TRIM5: variants seen among roughly 807,000 people sequenced by gnomAD.
TRIM5 encodes the protein tripartite motif-containing protein 5.
A neutral mutation model predicts 35.6 loss-of-function variants in TRIM5; 31 were observed. The ratio of observed to expected loss-of-function variants is 0.87; its 90% confidence interval spans 0.65 to 1.18. The LOEUF (loss-of-function observed/expected upper bound fraction) is 1.18, where lower values mean the gene tolerates loss of function less well. Among genes scored for constraint, TRIM5 ranks in the 50% most tolerant of loss-of-function variants. The probability of loss-of-function intolerance (pLI) is 0.00; values close to 1 mark genes in which losing one functional copy is unlikely to be tolerated. For missense variants in TRIM5, 609 were observed against 591.6 expected (o/e 1.03, Z -0.31); for synonymous variants, 243 against 215.6 (o/e 1.13, Z -1.11).
chr11:5,601,162 C>T, the TRIM5 span, among the ~76,000 whole-genome samples: 1 of 152,188 alleles, frequency 6.6e-6, no homozygotes, highest in African/African-American at 2.4e-5. Flanking sequence ...TAGGATCTCT[C>T]TCATTTCCAT....
At chr11:5,591,284 C>A in the TRIM5 span, among the ~76,000 whole-genome samples, 1 of 152,180 alleles carries the variant, frequency 6.6e-6, no homozygotes, top group Non-Finnish European at 1.5e-5. Context: ...TGCCTCTTGA[C>A]ATACAAGCCA....
chr11:5,611,150 C>T, the TRIM5 span: 1 of 1,614,196 alleles, frequency 6.2e-7, no homozygotes. Context: ...TGCTTCTCTC[C>T]ATGACAGTGC....
At chr11:5,634,080 A>C in the TRIM5 span, among the ~76,000 whole-genome samples, 1 of 152,218 alleles carries the variant, frequency 6.6e-6, no homozygotes, top group African/African-American at 2.4e-5. Context: ...ACAATTACAC[A>C]TACATACCTG....
the TRIM5 span, among the ~76,000 whole-genome samples, chr11:5,602,356 T>C: frequency 6.6e-6 from 1 of 151,954 alleles, no homozygotes; most frequent in African/African-American, 2.4e-5. Flanking sequence ...GGCAGGAGAA[T>C]GGCTTGAACC....
the TRIM5 span, among the ~76,000 whole-genome samples, chr11:5,633,522 G>C: frequency 6.6e-6 from 1 of 152,192 alleles, no homozygotes; most frequent in African/African-American, 2.4e-5. Flanking sequence ...AATGAGGAAA[G>C]AGCATTGATA....
the TRIM5 span, among the ~76,000 whole-genome samples, chr11:5,620,814 A>G: frequency 2.5e-3 from 386 of 152,248 alleles, 3 homozygotes; most frequent in African/African-American, 8.9e-3. Flanking sequence ...AATGAAGCAA[A>G]GCCTGTTCTG....
At chr11:5,667,450 C>G (rs57512079) in intron 5 of TRIM5, among the ~76,000 whole-genome samples, 4 of 152,144 alleles carry the variant, frequency 2.6e-5, no homozygotes, top group Non-Finnish European at 4.4e-5. Context: ...CTTCCTGACT[C>G]GGCGTCCCAA....
At chr11:5,603,652 G>C in the TRIM5 span, 1 of 1,613,440 alleles carries the variant, frequency 6.2e-7, no homozygotes, top group East Asian at 2.2e-5. Context: ...GGATGGGAAG[G>C]TCATTTGCTG....
chr11:5,634,042 G>A, the TRIM5 span: 1 of 856,246 alleles, frequency 1.2e-6, no homozygotes. Flanking sequence ...GTCCCTGTTG[G>A]GGGTGGAGGC....
the TRIM5 span, among the ~76,000 whole-genome samples, chr11:5,621,783 T>G: frequency 3.9e-5 from 6 of 152,264 alleles, no homozygotes; most frequent in African/African-American, 1.2e-4. Context: ...AATCAGAAAC[T>G]CAAAAGAATG....
intron 1 of TRIM5, among the ~76,000 whole-genome samples, chr11:5,683,400 T>C (rs193090630): frequency 4.5e-4 from 69 of 152,330 alleles, no homozygotes; most frequent in African/African-American, 1.7e-3. Context: ...AGAACCTTTA[T>C]GTTTAGCTAA....
At chr11:5,609,734 A>C in the TRIM5 span, among the ~76,000 whole-genome samples, 1 of 152,192 alleles carries the variant, frequency 6.6e-6, no homozygotes, top group African/African-American at 2.4e-5. Flanking sequence ...CATCCTGGCT[A>C]ACATGATGAA....
At chr11:5,626,852 A>C in the TRIM5 span, 1 of 151,800 alleles carries the variant, frequency 6.6e-6, no homozygotes, top group East Asian at 1.9e-4. Flanking sequence ...ATTGTACTCC[A>C]GCCTGGGGGA....
the TRIM5 span, chr11:5,643,745 G>T: frequency 1.8e-5 from 28 of 1,532,540 alleles, 1 homozygote; most frequent in East Asian, 6.3e-4. Context: ...CCTTTGTCTT[G>T]ACTTATCTCC....
In TRIM5 at chr11:5,664,925, TTG is replaced by T; in HGVS notation, c.1364_1365del (p.Thr455LysfsTer8). On this transcript the variant is annotated frameshift_variant, in exon 8 of 8. Transcript: ENST00000380034. LOFTEE classifies it low-confidence loss of function (END_TRUNC). ...EACTVSFFNI[T>X]NHGFLIYKFS... ...AACTTATAGATGAGAAATCCATGGT[TTG>T]TGATATTGAAGAATGAGACAGTGCA... The T allele has an allele frequency of 6.2e-7, 1 of 1,613,978 alleles. No individual in the cohort carries two copies. Among genetic ancestry groups the T allele is most frequent in the Non-Finnish European group, 8.5e-7 (1 of 1,179,992 alleles).
chr11:5,634,758 T>C, the TRIM5 span: 17,435 of 1,614,032 alleles, frequency 0.011, 155 homozygotes, highest in Admixed American at 0.033. Flanking sequence ...CTGGATAAGT[T>C]TGCAGAGGCT....
At chr11:5,622,894 G>A in the TRIM5 span, among the ~76,000 whole-genome samples, 2 of 152,238 alleles carry the variant, frequency 1.3e-5, no homozygotes, top group African/African-American at 4.8e-5. Context: ...AAGGTGGTCA[G>A]GGCACAGCTT....
the TRIM5 span, among the ~76,000 whole-genome samples, chr11:5,646,985 G>A: frequency 6.6e-6 from 1 of 152,170 alleles, no homozygotes; most frequent in Non-Finnish European, 1.5e-5. Context: ...ACGATTTAAT[G>A]TGTGGAAACA....
At chr11:5,605,803 T>G in the TRIM5 span, among the ~76,000 whole-genome samples, 3 of 152,200 alleles carry the variant, frequency 2.0e-5, no homozygotes, top group Admixed American at 2.0e-4. Flanking sequence ...GTCTAAAAGT[T>G]TATTTGATGC....
Sources: gnomAD v4.1 joint callset for allele counts (sites outside exome capture counted in the v4.1 genomes callset) on GRCh38, gnomAD v4.1.1 for gene constraint, MANE v1.5 for transcripts, NCBI Gene and HGNC (gene_info 2026-07-23, HGNC 2026-07-21) for gene names.